CCNG1: variants seen among roughly 807,000 people sequenced by gnomAD.
CCNG1 encodes cyclin-G1.
Under a neutral mutation model 30.0 loss-of-function variants are expected in CCNG1, and 13 were observed. That is an observed-to-expected ratio of 0.43 (90% CI 0.28 to 0.69). CCNG1 has a LOEUF of 0.69. Ranked by LOEUF, CCNG1 falls within the 30% of genes least tolerant of loss-of-function variation. CCNG1 has a pLI of 0.16. For synonymous variants in CCNG1, 110 were observed against 121.5 expected (o/e 0.91, Z 0.62); for missense variants, 285 against 331.4 (o/e 0.86, Z 1.09).
the CCNG1 span, chr5:163,457,592 T>C: frequency 6.3e-7 from 1 of 1,583,420 alleles, no homozygotes; most frequent in Non-Finnish European, 8.7e-7. Flanking sequence ...TCAGCTATTG[T>C]AGAATCAAAG....
the CCNG1 span, among the ~76,000 whole-genome samples, chr5:163,456,140 C>T: frequency 8.2e-4 from 124 of 151,910 alleles, no homozygotes; most frequent in Non-Finnish European, 1.7e-3. Flanking sequence ...AATAGGCAAC[C>T]GGGTATGCAG....
downstream of CCNG1, among the ~76,000 whole-genome samples, chr5:163,445,302 AAT>A (rs770925013): frequency 2.0e-5 from 3 of 152,174 alleles, no homozygotes; most frequent in Non-Finnish European, 4.4e-5. Context: ...CCCCATTAAT[AAT>A]ATGACTATTA....
At chr5:163,454,520 T>C in the CCNG1 span, among the ~76,000 whole-genome samples, 4 of 152,276 alleles carry the variant, frequency 2.6e-5, no homozygotes, top group Non-Finnish European at 5.9e-5. Flanking sequence ...TTTGTATTTT[T>C]AGTAGACACG....
chr5:163,440,699 G>A (rs1757769229), intron 2 of CCNG1, among the ~76,000 whole-genome samples: 1 of 152,270 alleles, frequency 6.6e-6, no homozygotes, highest in Admixed American at 6.5e-5. Flanking sequence ...ATCCTGCAAA[G>A]AAATGGCTTA....
In CCNG1 at chr5:163,439,237, G is replaced by C; in HGVS notation, c.1-20G>C. On this transcript the variant is annotated intron_variant, in intron 1 of 6. Transcript: ENST00000340828. ...AGGACTACTCTTACACTCCTTGCTG[G>C]TCTTTTTTTCTATATATAGATGATA... The C allele has an allele frequency of 6.2e-7, 1 of 1,606,178 alleles. No homozygotes were observed. Among genetic ancestry groups the C allele is most frequent in the East Asian group, 2.2e-5 (1 of 44,804 alleles).
chr5:163,445,780 T>C (rs181067836), downstream of CCNG1: 11 of 152,186 alleles, frequency 7.2e-5, no homozygotes, highest in Admixed American at 5.9e-4. Context: ...TTAATAGACA[T>C]AGAATGATGA....
chr5:163,454,109 A>G, the CCNG1 span: 1 of 851,202 alleles, frequency 1.2e-6, no homozygotes, highest in South Asian at 2.3e-5. Flanking sequence ...ATACAAGTAC[A>G]AACTGGCAAT....
At chr5:163,457,589 T>C in the CCNG1 span, 9 of 1,583,324 alleles carry the variant, frequency 5.7e-6, no homozygotes, top group Admixed American at 8.3e-5. Context: ...TCATCAGCTA[T>C]TGTAGAATCA....
At chr5:163,448,755 G>A (rs1005795903), downstream of CCNG1, 4 of 152,086 alleles carry the variant, frequency 2.6e-5, no homozygotes, top group Non-Finnish European at 4.4e-5. Context: ...AGATACATAA[G>A]CTGAATAATG....
At chr5:163,449,343 C>T (rs534733052), downstream of CCNG1, 18 of 152,312 alleles carry the variant, frequency 1.2e-4, no homozygotes, top group Non-Finnish European at 2.6e-4. Context: ...CACATTTGTA[C>T]ATACTAGCGA....
At position 163,441,062 on chromosome 5, in the gene CCNG1, G is replaced by GT. The variant is rs772010486; in HGVS notation, c.265-11dup. The stretch of plus-strand genomic sequence containing the variant: ...GTAGAGTCATGGGCTTACTGGTTTT[G>GT]TTTTTGATTTTTTAGGTACAGCCCA... On this transcript the variant is annotated splice_polypyrimidine_tract_variant and intron_variant, in intron 2 of 6. Coordinates refer to ENST00000340828, the MANE Select transcript of CCNG1 (RefSeq NM_004060.4). The GT allele has an allele frequency of 6.2e-7, 1 of 1,603,014 alleles. No individual in the cohort carries two copies. Among genetic ancestry groups the GT allele is most frequent in the South Asian group, 1.1e-5 (1 of 89,286 alleles).
chr5:163,440,935 TTG>T, intron 2 of CCNG1, 141 bp from the exon 3 acceptor site: 1 of 872,030 alleles, frequency 1.1e-6, no homozygotes, highest in Non-Finnish European at 1.7e-6. Flanking sequence ...TATGAGTGGA[TTG>T]TGTTAAGTCC....
At chr5:163,456,963 T>G in the CCNG1 span, 4 of 1,612,040 alleles carry the variant, frequency 2.5e-6, no homozygotes, top group Non-Finnish European at 3.4e-6. Context: ...AAGCTTTCTC[T>G]GCATTTGGTC....
At position 163,439,323 on chromosome 5, in the gene CCNG1, C is replaced by G. The variant is rs767024264; in HGVS notation, c.67C>G (p.Gln23Glu). 2 of 1,614,082 alleles carry G rather than the reference C, an allele frequency of 1.2e-6. No individual in the cohort carries two copies. Among genetic ancestry groups the G allele is most frequent in the Non-Finnish European group, 1.7e-6 (2 of 1,179,944 alleles). Residue 23 changes from glutamine to glutamate, a missense_variant, in exon 2 of 7, where the codon CAG (glutamine) becomes GAG (glutamate). Physicochemically the swap from Gln to Glu is conservative, Grantham distance 29 (BLOSUM62 2). Coordinates refer to ENST00000340828, the MANE Select transcript of CCNG1 (RefSeq NM_004060.4). Reference sequence around the variant, plus strand: ...ACACCAGCTGAATGCCCTGTTGGAACAGGAGTCTAGATGTCAGCCAAAGGT... The same window carrying G: ...ACACCAGCTGAATGCCCTGTTGGAAGAGGAGTCTAGATGTCAGCCAAAGGT... The part of the protein sequence containing the change: ...LLHQLNALLE[Q>E]ESRCQPKVCG...
downstream of CCNG1, chr5:163,448,020 GTGT>G (rs2113396203): frequency 6.6e-6 from 1 of 152,020 alleles, no homozygotes; most frequent in East Asian, 1.9e-4. Flanking sequence ...ATCTAACTGG[GTGT>G]GGTGGCACAC....
At position 163,442,156 on chromosome 5, in the gene CCNG1, C is replaced by T. The variant is rs746866202; in HGVS notation, c.696+13C>T. On this transcript the variant is annotated intron_variant, in intron 5 of 6. Transcript: ENST00000340828. The stretch of plus-strand genomic sequence containing the variant: ...GAAACATTCCAAGGTATGTGAAGGA[C>T]ATAGCCTAAATCCTATTAACAGCTG... The T allele has an allele frequency of 2.6e-6, 4 of 1,528,668 alleles. No homozygotes were observed. The allele number at this position is 1,528,668 out of a possible 1,614,324, so 94.7% of individuals were successfully genotyped here. A position where few individuals can be genotyped will look rare whatever the true frequency, so the allele number is the denominator to read the frequency against.
intron 1 of CCNG1, among the ~76,000 whole-genome samples, 157 bp downstream of exon 1, chr5:163,437,961 G>A (rs554490163): frequency 1.1e-3 from 166 of 152,278 alleles, no homozygotes; most frequent in African/African-American, 3.9e-3. Flanking sequence ...TGGAGGGGCG[G>A]AGCCGGATCC....
intron 6 of CCNG1, among the ~76,000 whole-genome samples, chr5:163,443,443 G>GA (rs375228155): frequency 6.6e-6 from 1 of 152,248 alleles, no homozygotes; most frequent in East Asian, 1.9e-4. Context: ...CTGCAAAGTA[G>GA]TTATATGCAT....
At chr5:163,454,621 G>A in the CCNG1 span, among the ~76,000 whole-genome samples, 14 of 152,330 alleles carry the variant, frequency 9.2e-5, no homozygotes, top group South Asian at 1.4e-3. Context: ...GATTACAGGC[G>A]TGAGCCATGG....
Sources: gnomAD v4.1 joint callset for allele counts (sites outside exome capture counted in the v4.1 genomes callset) on GRCh38, gnomAD v4.1.1 for gene constraint, MANE v1.5 for transcripts, NCBI Gene and HGNC (gene_info 2026-07-23, HGNC 2026-07-21) for gene names.